Variants in DOCK8 observed in about 807,000 individuals in gnomAD.
DOCK8 encodes the protein dedicator of cytokinesis protein 8.
A neutral mutation model predicts 245.6 loss-of-function variants in DOCK8; 141 were observed. That is an observed-to-expected ratio of 0.57 (90% CI 0.50 to 0.66). DOCK8 has a LOEUF of 0.66. DOCK8 is among the 30% of genes least tolerant of loss of function. The pLI is 0.00. For synonymous variants in DOCK8, 1,168 were observed against 970.2 expected, an observed-to-expected ratio of 1.20 and a Z score of -3.79; for missense variants, 2,965 against 2,603.4, an observed-to-expected ratio of 1.14 and a Z score of -3.02.
chr9:269,550 G>GTTT (rs1451915558), intron 1 of DOCK8, among the ~76,000 whole-genome samples: 1 of 130,108 alleles, frequency 7.7e-6, no homozygotes, highest in Admixed American at 7.5e-5. Flanking sequence ...AAGTGTGGTT[G>GTTT]TCTTTTTTTT....
chr9:378,967 C>T (rs935784249), intron 20 of DOCK8, among the ~76,000 whole-genome samples: 11 of 152,218 alleles, frequency 7.2e-5, no homozygotes, highest in Admixed American at 2.0e-4. Flanking sequence ...TGGAGTCAGA[C>T]GGCTTCATGG....
chr9:277,657 T>C (rs1344788837), intron 2 of DOCK8, among the ~76,000 whole-genome samples: 2 of 152,062 alleles, frequency 1.3e-5, no homozygotes, highest in African/African-American at 4.8e-5. Context: ...TTAAGCTACA[T>C]ATTTTATGGA....
intron 3 of DOCK8, among the ~76,000 whole-genome samples, chr9:287,654 A>G (rs1224984568): frequency 1.3e-5 from 2 of 152,210 alleles, no homozygotes; most frequent in Admixed American, 1.3e-4. Context: ...AACTGACCAT[A>G]TGTGTAGCTC....
At position 444,624 on chromosome 9, in the gene DOCK8, G is replaced by A. The variant is rs763252979; in HGVS notation, c.5580+1108G>A. 7.2e-4 allele frequency among the ~76,000 whole-genome samples: 110 copies of A among 152,266 alleles called. 2 individuals are homozygous for A. Among genetic ancestry groups the A allele is most frequent in the Non-Finnish European group, 1.0e-3 (69 of 68,026 alleles). On this transcript the variant is annotated intron_variant, in intron 43 of 47. Transcript: ENST00000432829. ...CTCCAGCCCCTCTCCTGTCTCCAGA[G>A]GTCATCCAGTTCCTACCCTGTAATC...
intron 33 of DOCK8, among the ~76,000 whole-genome samples, chr9:425,498 CT>C (rs2056458168): frequency 7.4e-6 from 1 of 135,782 alleles, no homozygotes; most frequent in African/African-American, 3.4e-5. Context: ...CGCCACTGCA[CT>C]CTGCACTCCA....
intron 14 of DOCK8, among the ~76,000 whole-genome samples, chr9:344,475 C>A (rs529646200): frequency 2.0e-5 from 3 of 152,144 alleles, no homozygotes; most frequent in Non-Finnish European, 4.4e-5. Flanking sequence ...CACCTCCCCC[C>A]ATTCACGACA....
intron 1 of DOCK8, among the ~76,000 whole-genome samples, chr9:227,101 G>A (rs534863869): frequency 6.6e-6 from 1 of 152,164 alleles, no homozygotes; most frequent in South Asian, 2.1e-4. Flanking sequence ...TGTGTACTTG[G>A]GACATGCATG....
intron 30 of DOCK8, among the ~76,000 whole-genome samples, chr9:419,831 A>G (rs1206018862): frequency 1.3e-5 from 2 of 152,212 alleles, no homozygotes; most frequent in Admixed American, 6.5e-5. Context: ...AACATAAATT[A>G]TGGTTAAACT....
rs112194403 is a variant in DOCK8 at position 463,571 on chromosome 9, A to G, written c.6123A>G (p.Glu2041=). The G allele has an allele frequency of 1.5e-5, 24 of 1,614,234 alleles. No individual in the cohort carries two copies. The highest frequency in any genetic ancestry group is 9.3e-5 in the African/African-American group (7 of 75,060). ...NKRLITADQR[E]YQQELKKNYN... ...GTCTCATCACGGCAGACCAGAGGGA[A>G]TATCAGCAGGAACTCAAAAAGAACT... is the stretch of plus-strand genomic sequence containing the variant. Residue 2041 remains glutamate, a synonymous_variant, in exon 47 of 48, where the codon GAA becomes GAG. Coordinates refer to ENST00000432829, the MANE Select transcript of DOCK8 (RefSeq NM_203447.4).
At chr9:396,762 A>G in intron 24 of DOCK8, 23 bp from the exon 25 acceptor site, 6 of 1,614,080 alleles carry the variant, frequency 3.7e-6, no homozygotes, top group Non-Finnish European at 3.4e-6. Flanking sequence ...CCATGTTGAC[A>G]TTTCCTCCAT....
At chr9:353,872 T>G (rs1413841985) in intron 14 of DOCK8, among the ~76,000 whole-genome samples, 1 of 152,110 alleles carries the variant, frequency 6.6e-6, no homozygotes, top group African/African-American at 2.4e-5. Flanking sequence ...TTTAGCATTC[T>G]TCTTATTATC....
chr9:398,038 A>T (rs144461243), intron 25 of DOCK8, among the ~76,000 whole-genome samples: 1 of 152,380 alleles, frequency 6.6e-6, no homozygotes, highest in African/African-American at 2.4e-5. Flanking sequence ...CTTTGTCGTT[A>T]TTGAGAATGT....
intron 28 of DOCK8, among the ~76,000 whole-genome samples, chr9:408,670 A>C (rs888867108): frequency 6.6e-6 from 1 of 152,200 alleles, no homozygotes; most frequent in African/African-American, 2.4e-5. Context: ...ACTTTAAGTG[A>C]TTTCTAGAAA....
At chr9:279,987 G>A (rs957619061) in intron 2 of DOCK8, among the ~76,000 whole-genome samples, 1 of 152,104 alleles carries the variant, frequency 6.6e-6, no homozygotes, top group African/African-American at 2.4e-5. Context: ...TCAGCTATCT[G>A]TATACTACAC....
intron 6 of DOCK8, among the ~76,000 whole-genome samples, chr9:313,922 A>C (rs1444452362): frequency 6.6e-6 from 1 of 152,240 alleles, no homozygotes. Context: ...AGATGTTCAC[A>C]ATTACTACTT....
chr9:432,120 G>C, intron 36 of DOCK8, 46 bp from the exon 37 acceptor site: 1 of 1,597,392 alleles, frequency 6.3e-7, no homozygotes, highest in African/African-American at 1.4e-5. Flanking sequence ...CTACTGCTAA[G>C]TGTGTCTTAT....
chr9:248,350 A>C (rs1316696718), intron 1 of DOCK8, among the ~76,000 whole-genome samples: 1 of 152,118 alleles, frequency 6.6e-6, no homozygotes, highest in East Asian at 1.9e-4. Flanking sequence ...TACCAATTTT[A>C]TTTGGTCAAT....
chr9:318,506 C>T (rs1298012985), intron 7 of DOCK8, among the ~76,000 whole-genome samples: 1 of 152,090 alleles, frequency 6.6e-6, no homozygotes, highest in East Asian at 1.9e-4. Context: ...TAGCCTCTGC[C>T]AACTTCTTCT....
At chr9:315,782 T>C (rs1309191450) in intron 6 of DOCK8, among the ~76,000 whole-genome samples, 2 of 152,122 alleles carry the variant, frequency 1.3e-5, no homozygotes, top group Admixed American at 1.3e-4. Context: ...ATGTTTAAAA[T>C]TTTCCCAATG....
Sources: allele counts gnomAD v4.1 joint callset (sites outside exome capture counted in the v4.1 genomes callset), GRCh38; gene constraint gnomAD v4.1.1; transcripts MANE v1.5; gene names NCBI Gene and HGNC (gene_info 2026-07-23, HGNC 2026-07-21).